PAX3: variants seen among roughly 807,000 people sequenced by gnomAD.
PAX3 encodes paired box 3, also known as paired box protein Pax-3.
PAX3 carries 14 observed loss-of-function variants against 51.6 expected under a neutral mutation model. The observed-to-expected ratio is 0.27, with a 90% CI of 0.18 to 0.42. PAX3 has a LOEUF of 0.42. PAX3 is among the 10% of genes least tolerant of loss of function. The pLI is 1.00. For missense variants in PAX3, 540 were observed against 642.8 expected, an observed-to-expected ratio of 0.84 and a Z score of 1.73; for synonymous variants, 280 against 253.4, an observed-to-expected ratio of 1.11 and a Z score of -1.00.
At chr2:222,280,213 A>G (rs1478824159) in intron 4 of PAX3, among the ~76,000 whole-genome samples, 2 of 150,792 alleles carry the variant, frequency 1.3e-5, no homozygotes, top group African/African-American at 4.9e-5. Context: ...CTCTGTCAGG[A>G]AGAAAGAAAG....
At position 222,298,746 on chromosome 2, in the gene PAX3, G is replaced by C. The variant is rs1695448507; in HGVS notation, c.-131C>G. 6 of 872,802 alleles carry C rather than the reference G, an allele frequency of 6.9e-6. No individual in the cohort carries two copies. The highest frequency in any genetic ancestry group is 1.7e-5 in the African/African-American group (1 of 60,358). 54.1% of individuals were successfully genotyped at this position (872,802 alleles called of 1,614,324 possible). ...TCCCCAAAACGGCTGGAGAGAGAGGGAGGGACGCGGGGAGGGGGGCTGTCG... is the reference window on the plus strand; with the variant it reads ...TCCCCAAAACGGCTGGAGAGAGAGGCAGGGACGCGGGGAGGGGGGCTGTCG... On this transcript the variant is annotated 5_prime_UTR_variant, in exon 1 of 9. Coordinates refer to ENST00000392070, the MANE Select transcript of PAX3 (RefSeq NM_181458.4).
chr2:222,272,148 A>G (rs369419140), intron 4 of PAX3, among the ~76,000 whole-genome samples: 2 of 152,182 alleles, frequency 1.3e-5, no homozygotes, highest in African/African-American at 4.8e-5. Context: ...TGTTTATCCC[A>G]GTTAGGAATC....
At chr2:222,265,360 A>T (rs1694005434) in intron 4 of PAX3, among the ~76,000 whole-genome samples, 1 of 152,168 alleles carries the variant, frequency 6.6e-6, no homozygotes, top group Admixed American at 6.5e-5. Context: ...TGTATCCTTA[A>T]TACTTGGAGC....
chr2:222,232,044 C>T (rs768231213), intron 5 of PAX3, 34 bp downstream of exon 5: 10 of 1,595,296 alleles, frequency 6.3e-6, no homozygotes, highest in Non-Finnish European at 8.6e-6. Flanking sequence ...CCTGTCTGGA[C>T]TGAAGTAGGA....
chr2:222,292,111 C>T (rs766802581), intron 4 of PAX3, among the ~76,000 whole-genome samples: 5 of 151,884 alleles, frequency 3.3e-5, no homozygotes, highest in Non-Finnish European at 7.4e-5. Flanking sequence ...AGCTAGACAG[C>T]CCAAAAGACT....
intron 2 of PAX3, among the ~76,000 whole-genome samples, chr2:222,296,414 CA>C: frequency 6.6e-6 from 1 of 152,154 alleles, no homozygotes; most frequent in South Asian, 2.1e-4. Flanking sequence ...AAAACAGAAC[CA>C]AAAATAATTT....
At chr2:222,268,443 C>A (rs45556234) in intron 4 of PAX3, among the ~76,000 whole-genome samples, 1 of 152,078 alleles carries the variant, frequency 6.6e-6, no homozygotes, top group Non-Finnish European at 1.5e-5. Flanking sequence ...TCCAATCAAC[C>A]CCCCCAGCCC....
intron 4 of PAX3, among the ~76,000 whole-genome samples, chr2:222,266,799 T>C (rs191472077): frequency 1.3e-5 from 2 of 152,312 alleles, no homozygotes; most frequent in African/African-American, 4.8e-5. Context: ...ACTGAAACCA[T>C]GAGATCCCAA....
At chr2:222,216,857 A>G (rs1272856152) in intron 7 of PAX3, among the ~76,000 whole-genome samples, 4 of 152,192 alleles carry the variant, frequency 2.6e-5, no homozygotes, top group African/African-American at 4.8e-5. Context: ...ATGGCAAACA[A>G]TACATCAATT....
intron 4 of PAX3, among the ~76,000 whole-genome samples, chr2:222,277,801 G>T (rs574384539): frequency 3.3e-5 from 5 of 151,984 alleles, no homozygotes; most frequent in Non-Finnish European, 7.4e-5. Context: ...TGGCATAGTG[G>T]CACGTGCCTG....
At chr2:222,275,724 T>C (rs1694397502) in intron 4 of PAX3, among the ~76,000 whole-genome samples, 1 of 152,236 alleles carries the variant, frequency 6.6e-6, no homozygotes, top group Non-Finnish European at 1.5e-5. Flanking sequence ...ATTTCTTACA[T>C]TCTTTCCAAG....
chr2:222,290,562 A>G (rs1229434564), intron 4 of PAX3, among the ~76,000 whole-genome samples: 1 of 152,140 alleles, frequency 6.6e-6, no homozygotes, highest in African/African-American at 2.4e-5. Context: ...CAATTTGGCA[A>G]TCTGGCCTCT....
At chr2:222,260,665 C>T (rs1417623158) in intron 4 of PAX3, among the ~76,000 whole-genome samples, 1 of 138,948 alleles carries the variant, frequency 7.2e-6, no homozygotes, top group Non-Finnish European at 1.5e-5. Context: ...GATCTCAGCT[C>T]ACTGCAACCT....
Position 222,298,635 on chromosome 2 carries a change from G to A in PAX3, c.-20C>T, listed in dbSNP as rs1469006207. 1.9e-6 allele frequency: 3 copies of A among 1,592,220 alleles called. No homozygotes were observed. Among genetic ancestry groups the A allele is most frequent in the East Asian group, 2.3e-5 (1 of 43,754 alleles). On this transcript the variant is annotated 5_prime_UTR_variant, in exon 1 of 9. Coordinates refer to ENST00000392070, the MANE Select transcript of PAX3 (RefSeq NM_181458.4). The stretch of plus-strand genomic sequence containing the variant: ...GGTCATCCTGGGGGCAGCTTCGCTC[G>A]GAAATTATATCCAGGTGAAGGCGAA...
intron 4 of PAX3, chr2:222,293,499 G>C: frequency 1.2e-6 from 1 of 805,122 alleles, no homozygotes; most frequent in South Asian, 1.8e-5. Flanking sequence ...ACCCCTAGAA[G>C]ACAGAGGGTG....
intron 4 of PAX3, among the ~76,000 whole-genome samples, chr2:222,245,975 T>C (rs1476465463): frequency 1.3e-5 from 2 of 150,200 alleles, no homozygotes; most frequent in African/African-American, 4.8e-5. Context: ...AGCGAGACTC[T>C]GTCTCAAAAA....
intron 7 of PAX3, among the ~76,000 whole-genome samples, chr2:222,203,034 T>TATAC (rs1691367000): frequency 8.8e-6 from 1 of 113,302 alleles, no homozygotes; most frequent in Non-Finnish European, 1.7e-5. Flanking sequence ...TATATATATA[T>TATAC]ATATATATAT....
intron 4 of PAX3, among the ~76,000 whole-genome samples, chr2:222,291,834 C>G (rs1695050501): frequency 6.6e-6 from 1 of 152,196 alleles, no homozygotes. Context: ...AGACTTCAAA[C>G]TGCACCTCAC....
At chr2:222,204,345 T>C (rs1243213855) in intron 7 of PAX3, among the ~76,000 whole-genome samples, 1 of 152,184 alleles carries the variant, frequency 6.6e-6, no homozygotes, top group Non-Finnish European at 1.5e-5. Flanking sequence ...AGTTCCTGGA[T>C]ATGTTTTCCA....
Sources: allele counts gnomAD v4.1 joint callset (sites outside exome capture counted in the v4.1 genomes callset), GRCh38; gene constraint gnomAD v4.1.1; transcripts MANE v1.5; gene names NCBI Gene and HGNC (gene_info 2026-07-23, HGNC 2026-07-21).